Variants in HMCN1 observed in about 807,000 individuals in gnomAD.
The protein encoded by HMCN1 is hemicentin 1.
A neutral mutation model predicts 625.9 loss-of-function variants in HMCN1; 321 were observed. The observed-to-expected ratio is 0.51, with a 90% CI of 0.47 to 0.56. The LOEUF (loss-of-function observed/expected upper bound fraction) is 0.56, where lower values mean the gene tolerates loss of function less well. HMCN1 is among the 20% of genes least tolerant of loss of function. The probability of loss-of-function intolerance (pLI) is 0.00; values close to 1 mark genes in which losing one functional copy is unlikely to be tolerated. For missense variants in HMCN1, 6,588 were observed against 6,887.3 expected (o/e 0.96, Z 1.54); for synonymous variants, 2,425 against 2,417.6 (o/e 1.00, Z -0.09).
chr1:185,894,418 C>T (rs543043757), intron 4 of HMCN1, among the ~76,000 whole-genome samples: 1 of 152,268 alleles, frequency 6.6e-6, no homozygotes, highest in African/African-American at 2.4e-5. Context: ...TGGGTAATTT[C>T]CAGTTTTGGT....
At chr1:185,901,235 T>C (rs1373917497) in intron 4 of HMCN1, among the ~76,000 whole-genome samples, 1 of 151,796 alleles carries the variant, frequency 6.6e-6, no homozygotes, top group Admixed American at 6.6e-5. Flanking sequence ...CACCCTTAAA[T>C]TATTACGACC....
chr1:186,145,208 G>T (rs1650235056), intron 91 of HMCN1, among the ~76,000 whole-genome samples, 195 bp from the exon 92 acceptor site: 1 of 152,244 alleles, frequency 6.6e-6, no homozygotes, highest in Admixed American at 6.5e-5. Flanking sequence ...ACAAATACAG[G>T]AATGCATACT....
intron 11 of HMCN1, among the ~76,000 whole-genome samples, chr1:185,949,717 A>G (rs1213749972): frequency 6.6e-6 from 1 of 151,916 alleles, no homozygotes; most frequent in African/African-American, 2.4e-5. Flanking sequence ...CAGACCCTGT[A>G]GGAAAGGCCT....
At chr1:185,980,063 A>G (rs940577053) in intron 16 of HMCN1, among the ~76,000 whole-genome samples, 1 of 152,184 alleles carries the variant, frequency 6.6e-6, no homozygotes, top group Admixed American at 6.6e-5. Context: ...ATTTTGTAAT[A>G]TCATTTTATT....
At chr1:185,970,790 C>G (rs1385197058) in intron 15 of HMCN1, among the ~76,000 whole-genome samples, 2 of 152,040 alleles carry the variant, frequency 1.3e-5, no homozygotes, top group Admixed American at 1.3e-4. Flanking sequence ...TCCTGAGTAG[C>G]TGGGATTGCA....
intron 4 of HMCN1, among the ~76,000 whole-genome samples, chr1:185,898,502 A>G (rs561930467): frequency 6.6e-6 from 1 of 152,304 alleles, no homozygotes; most frequent in Non-Finnish European, 1.5e-5. Flanking sequence ...AGCGATTTTA[A>G]TAGAAGTACC....
intron 45 of HMCN1, among the ~76,000 whole-genome samples, chr1:186,055,955 A>C (rs1657294059): frequency 6.6e-6 from 1 of 152,006 alleles, no homozygotes; most frequent in South Asian, 2.1e-4. Context: ...ATGCTATCCC[A>C]AGTAAAATCT....
rs115160822 is a variant in HMCN1 at position 186,096,557 on chromosome 1, C to T, written c.10573+1036C>T. On this transcript the variant is annotated intron_variant, in intron 68 of 106. Transcript: ENST00000271588. Reference sequence around the variant, plus strand: ...GATGTGACTTCCATAGAATGGAGGCCGGTAGTAAAGGAAGTTCTCCAGGAT... The same window carrying T: ...GATGTGACTTCCATAGAATGGAGGCTGGTAGTAAAGGAAGTTCTCCAGGAT... Among the ~76,000 whole-genome samples, 33 of 151,994 alleles carry T rather than the reference C, an allele frequency of 2.2e-4. No individual in the cohort carries two copies. In the South Asian group the frequency reaches 4.2e-3, roughly 19 times the overall value.
chr1:185,941,983 G>C (rs1668102629), intron 11 of HMCN1, among the ~76,000 whole-genome samples: 1 of 152,134 alleles, frequency 6.6e-6, no homozygotes, highest in East Asian at 1.9e-4. Flanking sequence ...TTTGAAGTCA[G>C]GAGTTCGAGA....
In HMCN1 at chr1:186,190,529, T is replaced by TATG. The variant is rs777875926; in HGVS notation, c.*654_*656dup. 20 of 202,002 alleles carry TATG rather than the reference T, an allele frequency of 9.9e-5. No individual in the cohort carries two copies. Among genetic ancestry groups the TATG allele is most frequent in the Non-Finnish European group, 1.7e-4 (17 of 98,120 alleles). 12.5% of individuals were successfully genotyped at this position (202,002 alleles called of 1,614,324 possible). Reference sequence around the variant, plus strand: ...ATTTTGTGAGATCAGCTGAACCACTTATGATAATAATAATAAAAAAGACTG... The same window carrying TATG: ...ATTTTGTGAGATCAGCTGAACCACTTATGATGATAATAATAATAAAAAAGACTG... On this transcript the variant is annotated 3_prime_UTR_variant, in exon 107 of 107. Coordinates refer to ENST00000271588, the MANE Select transcript of HMCN1 (RefSeq NM_031935.3).
intron 4 of HMCN1, among the ~76,000 whole-genome samples, chr1:185,875,153 T>C (rs1041941730): frequency 3.3e-5 from 5 of 152,014 alleles, no homozygotes; most frequent in African/African-American, 1.2e-4. Flanking sequence ...AAGTCATACC[T>C]AAAAATGTTG....
rs114234843 is a variant in HMCN1 at position 185,918,122 on chromosome 1, G to T, written c.901-4257G>T. Among the ~76,000 whole-genome samples the T allele has an allele frequency of 8.7e-3, 1,320 of 152,280 alleles. 18 individuals are homozygous for T. The highest frequency in any genetic ancestry group is 0.03 in the African/African-American group (1,240 of 41,560). ...TTGGCTCACACAATCTCAAGTCAAAGTCCCACAATAGGCCATCTGCAAGCT... is the reference window on the plus strand; with the variant it reads ...TTGGCTCACACAATCTCAAGTCAAATTCCCACAATAGGCCATCTGCAAGCT... On this transcript the variant is annotated intron_variant, in intron 6 of 106. Coordinates refer to ENST00000271588, the MANE Select transcript of HMCN1 (RefSeq NM_031935.3).
rs567202251 is a variant in HMCN1, at chr1:185,995,670, C to T, written c.3778+583C>T. ...CAGGCAAACAAATAAACAAGAAATACGATTGTGAAAAGTGCTTTGTGGGAA... is the reference window on the plus strand; with the variant it reads ...CAGGCAAACAAATAAACAAGAAATATGATTGTGAAAAGTGCTTTGTGGGAA... On this transcript the variant is annotated intron_variant, in intron 24 of 106. Coordinates refer to ENST00000271588, the MANE Select transcript of HMCN1 (RefSeq NM_031935.3). Among the ~76,000 whole-genome samples the T allele has an allele frequency of 1.4e-4, 22 of 152,070 alleles. No individual in the cohort carries two copies. The South Asian group carries it at 1.5e-3, about 10-fold the overall frequency.
intron 81 of HMCN1, among the ~76,000 whole-genome samples, chr1:186,125,241 G>A (rs1211115029): frequency 6.6e-6 from 1 of 152,022 alleles, no homozygotes; most frequent in Non-Finnish European, 1.5e-5. Flanking sequence ...CGCAACCATA[G>A]AAGCATTTTT....
At position 185,824,969 on chromosome 1, in the gene HMCN1, T is replaced by C. The variant is rs150326042; in HGVS notation, c.269-21057T>C. Among the ~76,000 whole-genome samples the C allele has an allele frequency of 4.8e-4, 73 of 152,252 alleles. 1 individual carries two copies. Among genetic ancestry groups the C allele is most frequent in the Admixed American group, 6.5e-4 (10 of 15,300 alleles). On this transcript the variant is annotated intron_variant, in intron 1 of 106. Transcript: ENST00000271588. ...GATAGAGAAAGAAATAAGTGGAGCA[T>C]TGATATCTAATGATTACTATAATGG...
chr1:186,085,143 C>A (rs545080000), intron 57 of HMCN1, among the ~76,000 whole-genome samples: 1 of 152,074 alleles, frequency 6.6e-6, no homozygotes, highest in Non-Finnish European at 1.5e-5. Flanking sequence ...ATACTGATTG[C>A]GACTTGTCGT....
intron 1 of HMCN1, among the ~76,000 whole-genome samples, chr1:185,800,096 G>C (rs1658690576): frequency 1.3e-5 from 2 of 152,348 alleles, no homozygotes; most frequent in African/African-American, 4.8e-5. Flanking sequence ...CATGGAGAAA[G>C]AGGGGCGGCC....
chr1:185,769,186 A>T (rs1571324605), intron 1 of HMCN1, among the ~76,000 whole-genome samples: 2 of 152,060 alleles, frequency 1.3e-5, no homozygotes, highest in African/African-American at 4.8e-5. Context: ...AGTGGCTCAC[A>T]CCTGTAATCC....
intron 68 of HMCN1, among the ~76,000 whole-genome samples, chr1:186,100,567 A>T (rs1460294771): frequency 6.6e-6 from 1 of 152,136 alleles, no homozygotes; most frequent in Non-Finnish European, 1.5e-5. Context: ...ACAATGAGAA[A>T]TCATTCAAAG....
Sources: allele counts gnomAD v4.1 joint callset (sites outside exome capture counted in the v4.1 genomes callset), GRCh38; gene constraint gnomAD v4.1.1; transcripts MANE v1.5; gene names NCBI Gene and HGNC (gene_info 2026-07-23, HGNC 2026-07-21).